Variants in STAU2 observed in about 807,000 individuals in gnomAD.
STAU2 encodes double-stranded RNA-binding protein Staufen homolog 2.
STAU2 carries 20 observed loss-of-function variants against 65.9 expected under a neutral mutation model. The ratio of observed to expected loss-of-function variants is 0.30; its 90% CI spans 0.21 to 0.44. The LOEUF is 0.44. Among genes scored for constraint, STAU2 ranks in the 20% least tolerant of loss-of-function variants. The pLI is 1.00. For missense variants in STAU2, 558 were observed against 683.9 expected (o/e 0.82, Z 2.05); for synonymous variants, 232 against 233.9 (o/e 0.99, Z 0.07).
At chr8:73,637,477 T>TAAAAAAAAAAAAAGAAAAAAA (rs1814619503) in intron 6 of STAU2, among the ~76,000 whole-genome samples, 1 of 57,086 alleles carries the variant, frequency 1.8e-5, no homozygotes, top group Non-Finnish European at 3.0e-5. Flanking sequence ...GTGCTGAAAG[T>TAAAAAAAAAAAAAGAAAAAAA]AAAAAAAAAA....
At chr8:73,575,689 C>A (rs919707928) in intron 12 of STAU2, among the ~76,000 whole-genome samples, 6 of 152,014 alleles carry the variant, frequency 3.9e-5, no homozygotes, top group African/African-American at 1.2e-4. Flanking sequence ...GGTAGAACAG[C>A]ATGTTCAAAA....
intron 3 of STAU2, among the ~76,000 whole-genome samples, chr8:73,724,707 T>G (rs1309454213): frequency 6.9e-6 from 1 of 144,514 alleles, no homozygotes; most frequent in Non-Finnish European, 1.5e-5. Context: ...TTTTTTTTTC[T>G]GAGTCAAGGT....
chr8:73,571,705 C>A (rs1809103924), intron 12 of STAU2, among the ~76,000 whole-genome samples: 1 of 152,110 alleles, frequency 6.6e-6, no homozygotes, highest in Non-Finnish European at 1.5e-5. Flanking sequence ...CCAATGAGAA[C>A]AAAGACACAA....
intron 13 of STAU2, among the ~76,000 whole-genome samples, chr8:73,463,677 C>A (rs959454331): frequency 6.6e-6 from 1 of 152,212 alleles, no homozygotes; most frequent in African/African-American, 2.4e-5. Flanking sequence ...ATATGTACTT[C>A]ATTTGGGGAG....
chr8:73,421,698 G>C (rs1289405200), intron 14 of STAU2, among the ~76,000 whole-genome samples: 1 of 152,200 alleles, frequency 6.6e-6, no homozygotes, highest in African/African-American at 2.4e-5. Flanking sequence ...TGCCATGTCT[G>C]TTTACCAAAT....
intron 10 of STAU2, 134 bp downstream of exon 10, chr8:73,603,592 T>C: frequency 2.5e-6 from 3 of 1,197,792 alleles, no homozygotes; most frequent in Non-Finnish European, 3.4e-6. Flanking sequence ...TAGGTGAGCC[T>C]GGACAGAATG....
intron 13 of STAU2, among the ~76,000 whole-genome samples, chr8:73,429,411 G>GTTT (rs1261161673): frequency 1.8e-4 from 12 of 67,166 alleles, no homozygotes; most frequent in East Asian, 8.0e-4. Flanking sequence ...TCTTGCTCAG[G>GTTT]TCTTTTTTTT....
intron 1 of STAU2, among the ~76,000 whole-genome samples, chr8:73,742,580 T>C (rs1276337534): frequency 2.0e-5 from 3 of 151,842 alleles, no homozygotes; most frequent in Non-Finnish European, 4.4e-5. Flanking sequence ...TCACAAAAGT[T>C]TCCAGCTACA....
At chr8:73,472,430 T>C (rs989739131) in intron 13 of STAU2, among the ~76,000 whole-genome samples, 2 of 152,204 alleles carry the variant, frequency 1.3e-5, no homozygotes, top group African/African-American at 2.4e-5. Context: ...GCCTTTGCTT[T>C]GCTTATTCTT....
At chr8:73,464,598 G>GCA (rs1819548521) in intron 13 of STAU2, among the ~76,000 whole-genome samples, 1 of 126,798 alleles carries the variant, frequency 7.9e-6, no homozygotes, top group Non-Finnish European at 1.6e-5. Flanking sequence ...ATGTGTGCAC[G>GCA]CGCACACACA....
rs34906276 is a variant in STAU2, at chr8:73,503,562, C to CTT, written c.1530+48448_1530+48449dup. 3.7e-3 allele frequency among the ~76,000 whole-genome samples: 549 copies of CTT among 146,526 alleles called. 1 individual carries two copies. The highest frequency in any genetic ancestry group is 0.027 in the East Asian group (136 of 5,016). Reference sequence around the variant, plus strand: ...GATTCTTGTTTAAAATCCAACAGCACTTTTTTTTTTTTGGCACATAGGGAT... The same window carrying CTT: ...GATTCTTGTTTAAAATCCAACAGCACTTTTTTTTTTTTTTGGCACATAGGGAT... On this transcript the variant is annotated intron_variant, in intron 13 of 14. Coordinates refer to ENST00000524300, the MANE Select transcript of STAU2 (RefSeq NM_001164380.2).
At chr8:73,566,527 CTTAATT>C (rs1385156152) in intron 12 of STAU2, among the ~76,000 whole-genome samples, 2 of 152,126 alleles carry the variant, frequency 1.3e-5, no homozygotes, top group African/African-American at 4.8e-5. Flanking sequence ...AAAATGCGTA[CTTAATT>C]TTAATGGAAT....
At chr8:73,660,516 TG>T (rs1470440140) in intron 6 of STAU2, among the ~76,000 whole-genome samples, 2 of 152,230 alleles carry the variant, frequency 1.3e-5, no homozygotes, top group Admixed American at 1.3e-4. Context: ...AGTTCTATCA[TG>T]GTAAATGTAT....
intron 3 of STAU2, among the ~76,000 whole-genome samples, chr8:73,724,744 C>T (rs1164015754): frequency 6.7e-6 from 1 of 149,642 alleles, no homozygotes; most frequent in African/African-American, 2.5e-5. Context: ...GACTAGAATG[C>T]AATGAAGACT....
At chr8:73,668,617 C>T (rs1462884024) in intron 6 of STAU2, among the ~76,000 whole-genome samples, 1 of 152,166 alleles carries the variant, frequency 6.6e-6, no homozygotes, top group East Asian at 1.9e-4. Flanking sequence ...TGTACTTTGT[C>T]AAATGAATTT....
intron 6 of STAU2, chr8:73,652,235 G>A (rs77304105): frequency 1.3e-5 from 2 of 151,964 alleles, no homozygotes; most frequent in Non-Finnish European, 2.9e-5. Context: ...TTTCATAGAA[G>A]TATGCATTAC....
intron 10 of STAU2, among the ~76,000 whole-genome samples, chr8:73,595,731 T>C (rs905540): frequency 0.18 from 27,898 of 152,112 alleles, 2,806 homozygotes; most frequent in African/African-American, 0.27. Context: ...CAAATTGCAA[T>C]ATTATGTAAA....
At chr8:73,582,748 C>T in intron 12 of STAU2, 22 bp downstream of exon 12, 2 of 1,611,588 alleles carry the variant, frequency 1.2e-6, no homozygotes, top group Non-Finnish European at 1.7e-6. Context: ...CAAGTGCAGA[C>T]AACATAAAAA....
intron 6 of STAU2, among the ~76,000 whole-genome samples, chr8:73,671,348 C>T (rs1232294771): frequency 6.6e-6 from 1 of 151,798 alleles, no homozygotes; most frequent in East Asian, 1.9e-4. Context: ...CCATGGCACT[C>T]CAACCTGGGT....
Sources: allele counts gnomAD v4.1 joint callset (sites outside exome capture counted in the v4.1 genomes callset), GRCh38; gene constraint gnomAD v4.1.1; transcripts MANE v1.5; gene names NCBI Gene and HGNC (gene_info 2026-07-23, HGNC 2026-07-21).